Variants in COMMD10 observed in about 807,000 individuals in gnomAD.
COMMD10 encodes COMM domain-containing protein 10.
A neutral mutation model predicts 28.9 loss-of-function variants in COMMD10; 33 were observed. That is an observed-to-expected ratio of 1.14 (90% CI 0.87 to 1.53). COMMD10 has a LOEUF of 1.53. Ranked by LOEUF, COMMD10 falls within the 40% of genes most tolerant of loss-of-function variation. The pLI, the probability that COMMD10 is intolerant of heterozygous loss-of-function variation, is 0.00. For missense variants in COMMD10, 310 were observed against 233.4 expected (o/e 1.33, Z -2.14); for synonymous variants, 110 against 81.7 (o/e 1.35, Z -1.87).
chr5:116,107,874 G>C (rs569566708), intron 4 of COMMD10, among the ~76,000 whole-genome samples: 2 of 152,108 alleles, frequency 1.3e-5, no homozygotes, highest in East Asian at 3.9e-4. Context: ...CTGAGTGGCC[G>C]TACTTTTTGT....
intron 5 of COMMD10, among the ~76,000 whole-genome samples, chr5:116,286,413 G>A (rs1411924146): frequency 6.7e-6 from 1 of 148,414 alleles, no homozygotes; most frequent in Non-Finnish European, 1.5e-5. Context: ...TTGACCTTAG[G>A]GTTTTTTTTT....
At chr5:116,128,062 CG>C (rs1168467425) in intron 4 of COMMD10, among the ~76,000 whole-genome samples, 1 of 151,942 alleles carries the variant, frequency 6.6e-6, no homozygotes, top group African/African-American at 2.4e-5. Context: ...GGGACATAGT[CG>C]AAAAAACTTT....
At chr5:116,150,792 G>A (rs554200783) in intron 5 of COMMD10, among the ~76,000 whole-genome samples, 1 of 119,848 alleles carries the variant, frequency 8.3e-6, no homozygotes, top group African/African-American at 3.0e-5. Flanking sequence ...ATACAATCAT[G>A]TCATCTGCAA....
At chr5:116,199,220 G>C (rs976153145) in intron 5 of COMMD10, among the ~76,000 whole-genome samples, 9 of 152,072 alleles carry the variant, frequency 5.9e-5, no homozygotes, top group Admixed American at 6.6e-5. Context: ...ACGGTGTGGA[G>C]CATCTTTTTA....
intron 1 of COMMD10, chr5:116,085,465 TC>T (rs1271186705): frequency 7.7e-6 from 2 of 260,454 alleles, no homozygotes; most frequent in Non-Finnish European, 1.5e-5. Context: ...CGATTTCAGT[TC>T]CGGTTCAGAC....
At chr5:116,209,081 C>G (rs549707348) in intron 5 of COMMD10, among the ~76,000 whole-genome samples, 2 of 152,068 alleles carry the variant, frequency 1.3e-5, no homozygotes, top group African/African-American at 2.4e-5. Context: ...TTTTCCAAGT[C>G]TTACCCTAAA....
intron 5 of COMMD10, among the ~76,000 whole-genome samples, chr5:116,226,080 C>G (rs748180088): frequency 6.6e-6 from 1 of 152,006 alleles, no homozygotes; most frequent in African/African-American, 2.4e-5. Context: ...TGGTCAGTGC[C>G]TTGCAGCCAG....
intron 5 of COMMD10, among the ~76,000 whole-genome samples, chr5:116,283,279 CTT>C (rs1751122900): frequency 6.6e-6 from 1 of 151,722 alleles, no homozygotes; most frequent in Admixed American, 6.6e-5. Context: ...TGTTTTAAAA[CTT>C]ATTCATTTGT....
chr5:116,160,332 G>T (rs1179584188), intron 5 of COMMD10, among the ~76,000 whole-genome samples: 2 of 152,120 alleles, frequency 1.3e-5, no homozygotes, highest in Non-Finnish European at 2.9e-5. Flanking sequence ...AAATTCATTT[G>T]TTAATGAATT....
At chr5:116,134,723 G>C (rs552209376) in intron 5 of COMMD10, among the ~76,000 whole-genome samples, 37 of 152,220 alleles carry the variant, frequency 2.4e-4, no homozygotes, top group African/African-American at 8.9e-4. Flanking sequence ...TGGGGTTCAC[G>C]CCATTCTCCT....
At chr5:116,153,864 C>T (rs890997039) in intron 5 of COMMD10, among the ~76,000 whole-genome samples, 15 of 152,040 alleles carry the variant, frequency 9.9e-5, no homozygotes, top group African/African-American at 3.6e-4. Flanking sequence ...AGAGAATGAC[C>T]TTGATAAAGG....
intron 5 of COMMD10, among the ~76,000 whole-genome samples, chr5:116,149,304 C>T (rs10477551): frequency 5.5e-4 from 78 of 143,068 alleles, no homozygotes; most frequent in South Asian, 4.2e-3. Context: ...TGAATAGTGC[C>T]GCAATAAACA....
chr5:116,174,183 G>T (rs903203756), intron 5 of COMMD10, among the ~76,000 whole-genome samples: 1 of 152,016 alleles, frequency 6.6e-6, no homozygotes, highest in Non-Finnish European at 1.5e-5. Context: ...ACCTGAAAAA[G>T]ATGTGCATGT....
rs11268771 is a variant in COMMD10, at chr5:116,212,496, C to CTGTGTGTG, written c.510+78338_510+78345dup. On this transcript the variant is annotated intron_variant, in intron 5 of 6. Transcript: ENST00000274458. Reference sequence around the variant, plus strand: ...TCCAGTGACAGAAGGTACTGAAATGCTGTGTGTGTGTGTGTGTGTGTGTGT... The same window carrying CTGTGTGTG: ...TCCAGTGACAGAAGGTACTGAAATGCTGTGTGTGTGTGTGTGTGTGTGTGTGTGTGTGT... 3.9e-3 allele frequency among the ~76,000 whole-genome samples: 252 copies of CTGTGTGTG among 63,868 alleles called. 7 individuals are homozygous for CTGTGTGTG. The highest frequency in any genetic ancestry group is 0.01 in the Middle Eastern group (1 of 96). 41.9% of individuals were successfully genotyped at this position (63,868 alleles called of 152,430 possible).
At position 116,292,457 on chromosome 5, in the gene COMMD10, A is replaced by C; in HGVS notation, c.577A>C (p.Thr193Pro). Residue 193 changes from threonine (T) to proline (P), a missense_variant, in exon 7 of 7, where the codon ACT (threonine) becomes CCT (proline). Coordinates refer to ENST00000274458, the MANE Select transcript of COMMD10 (RefSeq NM_016144.4). ...ELFDFYNKLE[T>P]IQAQLDSLT The stretch of plus-strand genomic sequence containing the variant: ...TTTTTGTCTTTGTAAATAGCTAGAG[A>C]CTATACAAGCACAGCTGGATTCCCT... The C allele has an allele frequency of 1.3e-6, 2 of 1,549,730 alleles. No homozygotes were observed. Among genetic ancestry groups the C allele is most frequent in the African/African-American group, 1.4e-5 (1 of 72,752 alleles).
chr5:116,164,410 G>T (rs1000826192), intron 5 of COMMD10, among the ~76,000 whole-genome samples: 10 of 152,088 alleles, frequency 6.6e-5, no homozygotes, highest in African/African-American at 2.4e-4. Context: ...CAAATAAGTG[G>T]GGGTAATTGA....
intron 5 of COMMD10, among the ~76,000 whole-genome samples, chr5:116,229,653 A>C (rs1749479002): frequency 2.0e-5 from 3 of 152,026 alleles, no homozygotes; most frequent in African/African-American, 7.2e-5. Flanking sequence ...AACGGTTCAT[A>C]TGTGAAACAG....
At chr5:116,260,708 G>T (rs1435368637) in intron 5 of COMMD10, among the ~76,000 whole-genome samples, 2 of 151,758 alleles carry the variant, frequency 1.3e-5, no homozygotes, top group Non-Finnish European at 2.9e-5. Context: ...CCAGAGATTT[G>T]TTTATAACTT....
intron 5 of COMMD10, among the ~76,000 whole-genome samples, chr5:116,258,947 C>T (rs1345521822): frequency 6.6e-6 from 1 of 151,530 alleles, no homozygotes. Flanking sequence ...ACTAGAACTT[C>T]TAGATCTATC....
Sources: gnomAD v4.1 joint callset for allele counts (sites outside exome capture counted in the v4.1 genomes callset) on GRCh38, gnomAD v4.1.1 for gene constraint, MANE v1.5 for transcripts, NCBI Gene and HGNC (gene_info 2026-07-23, HGNC 2026-07-21) for gene names.